DMC1: variants seen among roughly 807,000 people sequenced by gnomAD.
DMC1 encodes DNA meiotic recombinase 1.
Under a neutral mutation model 50.1 loss-of-function variants are expected in DMC1, and 27 were observed. That is an observed-to-expected ratio of 0.54 (90% CI 0.40 to 0.74). The LOEUF is 0.74. Ranked by LOEUF, DMC1 falls within the 30% of genes least tolerant of loss-of-function variation. The pLI, the probability that DMC1 is intolerant of heterozygous loss-of-function variation, is 0.00. For missense variants in DMC1, 295 were observed against 420.2 expected, an observed-to-expected ratio of 0.70 and a Z score of 2.60; for synonymous variants, 148 against 136.1, an observed-to-expected ratio of 1.09 and a Z score of -0.61.
chr22:38,559,514 C>T (rs951693448), intron 5 of DMC1, among the ~76,000 whole-genome samples: 1 of 152,110 alleles, frequency 6.6e-6, no homozygotes, highest in Non-Finnish European at 1.5e-5. Flanking sequence ...GGCTAGTGTG[C>T]GCTGTGACTC....
intron 4 of DMC1, among the ~76,000 whole-genome samples, chr22:38,564,573 A>C (rs1181774748): frequency 1.3e-5 from 2 of 152,154 alleles, no homozygotes; most frequent in African/African-American, 2.4e-5. Flanking sequence ...AGCCTCCCAA[A>C]GTGCTGGGAT....
intron 8 of DMC1, among the ~76,000 whole-genome samples, chr22:38,542,931 G>T (rs13054906): frequency 0.15 from 23,170 of 152,094 alleles, 1,957 homozygotes; most frequent in East Asian, 0.2. Flanking sequence ...TTCGACAAAG[G>T]TGCCAATAAC....
At chr22:38,547,881 G>A (rs1225517576) in intron 8 of DMC1, among the ~76,000 whole-genome samples, 2 of 152,042 alleles carry the variant, frequency 1.3e-5, no homozygotes, top group Non-Finnish European at 2.9e-5. Flanking sequence ...TCCCTCCCTT[G>A]TTGTTTGTTT....
intron 5 of DMC1, among the ~76,000 whole-genome samples, chr22:38,559,092 C>T (rs12165677): frequency 2.0e-5 from 3 of 152,118 alleles, no homozygotes; most frequent in East Asian, 1.9e-4. Flanking sequence ...TGCAGTGGCA[C>T]GATCTCGGCT....
chr22:38,515,146 G>C (rs1239277125), downstream of DMC1, among the ~76,000 whole-genome samples: 1 of 150,670 alleles, frequency 6.6e-6, no homozygotes, highest in South Asian at 2.1e-4. Context: ...GATTACAGGC[G>C]TGAGCCACTG....
At chr22:38,568,996 G>A (rs1191248021) in intron 1 of DMC1, among the ~76,000 whole-genome samples, 2 of 151,928 alleles carry the variant, frequency 1.3e-5, no homozygotes, top group African/African-American at 2.4e-5. Context: ...TTCGAGACCA[G>A]CCTGGCCAAT....
intron 4 of DMC1, 44 bp from the exon 5 acceptor site, chr22:38,562,413 C>T (rs762049016): frequency 1.5e-6 from 2 of 1,378,468 alleles, no homozygotes; most frequent in African/African-American, 2.9e-5. Context: ...GTTTAAAGAT[C>T]ATGGTTGTAT....
rs572319518 is a variant in DMC1 at position 38,526,965 on chromosome 22, C to T, written c.837-5241G>A. 8.5e-5 allele frequency among the ~76,000 whole-genome samples: 13 copies of T among 152,170 alleles called. No homozygotes were observed. In the South Asian group the frequency reaches 2.7e-3, roughly 32 times the overall value. On this transcript the variant is annotated intron_variant, in intron 12 of 13. Transcript: ENST00000216024. ...ACAGATTGGTTCTTAGTAAGCTGAC[C>T]AAATCAAATCTCTGCCTGCAAGGCT...
At position 38,550,006 on chromosome 22, in the gene DMC1, C is replaced by T; in HGVS notation, c.422-9G>A. The T allele has an allele frequency of 3.1e-6, 5 of 1,607,814 alleles. No homozygotes were observed. Among genetic ancestry groups the T allele is most frequent in the Non-Finnish European group, 4.3e-6 (5 of 1,175,384 alleles). On this transcript the variant is annotated splice_polypyrimidine_tract_variant and intron_variant, in intron 7 of 13. Coordinates refer to ENST00000216024, the MANE Select transcript of DMC1 (RefSeq NM_007068.4). ...TGGAAGTTGAGCTGTCACTAGGAAGCAATTAAAAATTTATATTAATAGGAG... is the reference window on the plus strand; with the variant it reads ...TGGAAGTTGAGCTGTCACTAGGAAGTAATTAAAAATTTATATTAATAGGAG...
chr22:38,566,546 A>G, intron 4 of DMC1, 44 bp downstream of exon 4: 2 of 1,610,570 alleles, frequency 1.2e-6, no homozygotes, highest in Admixed American at 1.7e-5. Context: ...AAAGATTCAC[A>G]AGGCCCTGCC....
Position 38,526,569 on chromosome 22 carries a change from T to TCCC in DMC1, c.837-4848_837-4846dup, listed in dbSNP as rs144749797. Among the ~76,000 whole-genome samples the TCCC allele has an allele frequency of 6.3e-4, 95 of 151,544 alleles. 1 individual carries two copies. In the East Asian group the frequency reaches 0.018, roughly 29 times the overall value. On this transcript the variant is annotated intron_variant, in intron 12 of 13. Coordinates refer to ENST00000216024, the MANE Select transcript of DMC1 (RefSeq NM_007068.4). ...ACACTTTGATAATTTAATAAAAACA[T>TCCC]CCCCTCCCCACCAAAAAAAGGGCAC...
At chr22:38,556,075 G>A (rs1013115680) in intron 5 of DMC1, among the ~76,000 whole-genome samples, 11 of 152,064 alleles carry the variant, frequency 7.2e-5, no homozygotes, top group Non-Finnish European at 1.3e-4. Context: ...CAGGTGATCC[G>A]CCTGCCTTGG....
At chr22:38,525,729 C>A (rs2090080674) in intron 12 of DMC1, among the ~76,000 whole-genome samples, 2 of 152,012 alleles carry the variant, frequency 1.3e-5, no homozygotes, top group Admixed American at 1.3e-4. Flanking sequence ...TCCCTTGAGC[C>A]CAGGAGTTCA....
chr22:38,553,956 CAAAAAAA>C (rs35690372), intron 6 of DMC1, among the ~76,000 whole-genome samples: 3 of 34,750 alleles, frequency 8.6e-5, no homozygotes, highest in South Asian at 2.0e-3. Flanking sequence ...ACTCCATCTC[CAAAAAAA>C]AAAAAAAAAA....
At chr22:38,517,196 T>C (rs1343107990), downstream of DMC1, among the ~76,000 whole-genome samples, 1 of 152,234 alleles carries the variant, frequency 6.6e-6, no homozygotes, top group East Asian at 1.9e-4. Flanking sequence ...GGCATGCTCT[T>C]GGCTAGTGCC....
Position 38,539,418 on chromosome 22 carries a change from G to A in DMC1, c.495-6C>T, listed in dbSNP as rs370821180. ...CCCTAAGGCGATCTGGACGGCTGGAGTATGCCAAGATTAAGGATCCAATAA... is the reference window on the plus strand; with the variant it reads ...CCCTAAGGCGATCTGGACGGCTGGAATATGCCAAGATTAAGGATCCAATAA... On this transcript the variant is annotated splice_polypyrimidine_tract_variant and splice_region_variant and intron_variant, in intron 8 of 13. Transcript: ENST00000216024. 426 of 1,612,742 alleles carry A rather than the reference G, an allele frequency of 2.6e-4. 1 individual carries two copies. Among genetic ancestry groups the A allele is most frequent in the Non-Finnish European group, 3.5e-4 (408 of 1,178,968 alleles).
the DMC1 span, among the ~76,000 whole-genome samples, chr22:38,513,560 TTCTC>T: frequency 4.0e-5 from 6 of 151,800 alleles, no homozygotes; most frequent in Admixed American, 1.3e-4. Context: ...CTCTTTCTCT[TTCTC>T]TCTCTCTTTC....
intron 11 of DMC1, 152 bp from the exon 12 acceptor site, chr22:38,537,804 A>T (rs1255233881): frequency 1.5e-6 from 1 of 648,488 alleles, no homozygotes; most frequent in East Asian, 2.8e-5. Context: ...AACAGAAATT[A>T]TTTGTTATTA....
chr22:38,557,952 A>ATTTTTTTTTTTTTTTTTTT (rs2090483955), intron 5 of DMC1, among the ~76,000 whole-genome samples: 1 of 112,686 alleles, frequency 8.9e-6, no homozygotes, highest in Non-Finnish European at 1.9e-5. Context: ...AATTAGACAA[A>ATTTTTTTTTTTTTTTTTTT]GTTCTTTTTT....
Sources: gnomAD v4.1 joint callset for allele counts (sites outside exome capture counted in the v4.1 genomes callset) on GRCh38, gnomAD v4.1.1 for gene constraint, MANE v1.5 for transcripts, NCBI Gene and HGNC (gene_info 2026-07-23, HGNC 2026-07-21) for gene names.